Variants in EHMT1 observed in about 807,000 individuals in gnomAD.
EHMT1 encodes the protein euchromatic histone lysine methyltransferase 1, also known as histone-lysine N-methyltransferase EHMT1.
EHMT1 carries 15 observed loss-of-function variants against 147.2 expected under a neutral mutation model. That is an observed-to-expected ratio of 0.10 (90% CI 0.07 to 0.16). The LOEUF (loss-of-function observed/expected upper bound fraction) is 0.16, where lower values mean the gene tolerates loss of function less well. Ranked by LOEUF, EHMT1 falls within the 10% of genes least tolerant of loss-of-function variation. The probability of loss-of-function intolerance (pLI) is 1.00; values close to 1 mark genes in which losing one functional copy is unlikely to be tolerated. For synonymous variants in EHMT1, 795 were observed against 709.6 expected (o/e 1.12, Z -1.91); for missense variants, 1,587 against 1,772.4 (o/e 0.90, Z 1.88).
rs1485174754 is a variant in EHMT1 at position 137,818,522 on chromosome 9, G to A, written c.3540+384G>A. Among the ~76,000 whole-genome samples, 4 of 150,822 alleles carry A rather than the reference G, an allele frequency of 2.7e-5. 1 individual carries two copies. Among genetic ancestry groups the A allele is most frequent in the South Asian group, 2.1e-4 (1 of 4,786 alleles). ...GACTGTAGAGAGGCTGAGGGGGGGC[G>A]CCATGTACCGAGACTGTAGAGAGGC... On this transcript the variant is annotated intron_variant, in intron 25 of 26. Transcript: ENST00000460843.
rs117324981 is a variant in EHMT1, at chr9:137,748,440, G to A, written c.1171-3891G>A. 3.0e-4 allele frequency among the ~76,000 whole-genome samples: 45 copies of A among 152,292 alleles called. No homozygotes were observed. In the East Asian group the frequency reaches 7.7e-3, roughly 26 times the overall value. On this transcript the variant is annotated intron_variant, in intron 6 of 26. Transcript: ENST00000460843. ...ATGGCCTGTGGGTGGTTCCAGTGGGGCCGTCCTGGAGGAGGTTGCTGCCAG... is the reference window on the plus strand; with the variant it reads ...ATGGCCTGTGGGTGGTTCCAGTGGGACCGTCCTGGAGGAGGTTGCTGCCAG...
chr9:137,793,730 C>T (rs566992588), intron 16 of EHMT1, among the ~76,000 whole-genome samples: 3 of 152,246 alleles, frequency 2.0e-5, no homozygotes, highest in Admixed American at 6.5e-5. Context: ...GAAATTTTGA[C>T]CTATGAACAG....
chr9:137,715,420 A>G (rs879847545), intron 2 of EHMT1: 32 of 400,370 alleles, frequency 8.0e-5, no homozygotes, highest in Non-Finnish European at 1.1e-4. Context: ...GTAAACAGAC[A>G]GGGCATTTGC....
At chr9:137,635,812 T>TCC (rs1480820923) in intron 1 of EHMT1, among the ~76,000 whole-genome samples, 5 of 151,864 alleles carry the variant, frequency 3.3e-5, no homozygotes, top group South Asian at 2.1e-4. Context: ...AGAGCGAGAC[T>TCC]GTCTCAAAAA....
At position 137,716,838 on chromosome 9, in the gene EHMT1, G is replaced by A. The variant is rs540121859; in HGVS notation, c.298G>A (p.Asp100Asn). Residue 100 changes from aspartate (D) to asparagine (N), a missense_variant, in exon 3 of 27, where the codon GAC becomes AAC. Physicochemically the swap from Asp to Asn is conservative, Grantham distance 23 (BLOSUM62 1). This residue lies in a region of EHMT1 where 810 missense variants were observed against 673.0 expected (regional missense o/e 1.20). Coordinates refer to ENST00000460843, the MANE Select transcript of EHMT1 (RefSeq NM_024757.5). ...RIAENGVSERDSEAAKQNHVT... is the reference protein window; with the variant it reads ...RIAENGVSERNSEAAKQNHVT... The stretch of plus-strand genomic sequence containing the variant: ...AGCGGAAAATGGGGTTTCAGAAAGA[G>A]ACTCAGAAGCGGCGAAGCAAAACCA... 26 of 1,613,316 alleles carry A rather than the reference G, an allele frequency of 1.6e-5. No homozygotes were observed. The Admixed American group carries it at 3.3e-4, about 21-fold the overall frequency.
chr9:137,799,939 G>C (rs887267303), intron 17 of EHMT1, among the ~76,000 whole-genome samples: 1 of 152,240 alleles, frequency 6.6e-6, no homozygotes, highest in East Asian at 1.9e-4. Flanking sequence ...TGGGCTCCAG[G>C]AGGCTGCGCT....
chr9:137,635,424 A>C (rs999305941), intron 1 of EHMT1, among the ~76,000 whole-genome samples: 6 of 149,578 alleles, frequency 4.0e-5, no homozygotes, highest in Admixed American at 6.6e-5. Context: ...ACCATGTTGG[A>C]CAGGCTGGTC....
chr9:137,635,629 G>A (rs868411740), intron 1 of EHMT1, among the ~76,000 whole-genome samples: 1 of 151,240 alleles, frequency 6.6e-6, no homozygotes. Flanking sequence ...GACCATCCTG[G>A]CTAACATGGT....
intron 25 of EHMT1, among the ~76,000 whole-genome samples, chr9:137,833,375 A>G (rs999317991): frequency 6.6e-6 from 1 of 152,154 alleles, no homozygotes; most frequent in Non-Finnish European, 1.5e-5. Flanking sequence ...CACTCGGCCC[A>G]GTGTGCGCAG....
intron 1 of EHMT1, among the ~76,000 whole-genome samples, chr9:137,679,015 G>A (rs1355323139): frequency 1.3e-5 from 2 of 152,040 alleles, no homozygotes; most frequent in African/African-American, 4.8e-5. Context: ...GTGCAATGGC[G>A]CGATCTCCGC....
chr9:137,814,661 G>A (rs1588862799), intron 22 of EHMT1, 153 bp downstream of exon 22: 1 of 814,126 alleles, frequency 1.2e-6, no homozygotes, highest in Admixed American at 2.0e-5. Flanking sequence ...GGGAGGCACA[G>A]CGGGCACCAG....
intron 16 of EHMT1, among the ~76,000 whole-genome samples, chr9:137,794,190 A>G (rs1952731475): frequency 6.6e-6 from 1 of 152,220 alleles, no homozygotes; most frequent in Admixed American, 6.5e-5. Flanking sequence ...GTATCAATTT[A>G]TGATATAATT....
intron 1 of EHMT1, among the ~76,000 whole-genome samples, chr9:137,697,727 T>C (rs114707966): frequency 0.016 from 2,370 of 152,292 alleles, 50 homozygotes; most frequent in African/African-American, 0.043. Context: ...TTACAAGAAG[T>C]CTTCAGTAAT....
chr9:137,699,744 A>C (rs1943685627), intron 1 of EHMT1, among the ~76,000 whole-genome samples: 1 of 150,388 alleles, frequency 6.6e-6, no homozygotes, highest in African/African-American at 2.5e-5. Flanking sequence ...CCACCTATGG[A>C]AGGCCTAAGT....
Position 137,716,650 on chromosome 9 carries a change from G to A in EHMT1, c.110G>A (p.Gly37Asp), listed in dbSNP as rs1300327079. The A allele has an allele frequency of 1.6e-5, 26 of 1,585,654 alleles. No homozygotes were observed. Among genetic ancestry groups the A allele is most frequent in the Non-Finnish European group, 2.1e-5 (24 of 1,163,248 alleles). The stretch of plus-strand genomic sequence containing the variant: ...GAGACACCTATGGCTGCCGATGAAG[G>A]CTCAGCAGAGAAACAGGCAGGAGAG... ...GEETPMAADE[G>D]SAEKQAGEAH... is the part of the protein sequence containing the mutation. The change falls in exon 3 of 27, where the codon GGC (glycine) becomes GAC (aspartate). Residue 37 changes from glycine to aspartate, a missense_variant. This residue lies in a region of EHMT1 where 810 missense variants were observed against 673.0 expected (regional missense o/e 1.20). Coordinates refer to ENST00000460843, the MANE Select transcript of EHMT1 (RefSeq NM_024757.5).
At chr9:137,831,517 A>G (rs549242594) in intron 25 of EHMT1, among the ~76,000 whole-genome samples, 4 of 152,338 alleles carry the variant, frequency 2.6e-5, no homozygotes, top group African/African-American at 7.2e-5. Context: ...CCACCCAGTG[A>G]TGGCTTCAGC....
intron 4 of EHMT1, among the ~76,000 whole-genome samples, chr9:137,734,402 A>G (rs1252928070): frequency 6.6e-6 from 1 of 152,274 alleles, no homozygotes; most frequent in African/African-American, 2.4e-5. Flanking sequence ...GAAGAAAGAG[A>G]TAGCAAACTT....
intron 1 of EHMT1, among the ~76,000 whole-genome samples, chr9:137,670,938 C>T (rs1231628641): frequency 1.3e-5 from 2 of 152,186 alleles, no homozygotes; most frequent in African/African-American, 4.8e-5. Context: ...TGTGGCCACA[C>T]CCTCTGGCCT....
At chr9:137,635,803 G>T (rs543806803) in intron 1 of EHMT1, among the ~76,000 whole-genome samples, 134 of 151,822 alleles carry the variant, frequency 8.8e-4, no homozygotes, top group African/African-American at 3.0e-3. Context: ...CTGGGCGACA[G>T]AGCGAGACTG....
Sources: allele counts gnomAD v4.1 joint callset (sites outside exome capture counted in the v4.1 genomes callset), GRCh38; gene constraint gnomAD v4.1.1; regional missense constraint gnomAD v4.1.1; transcripts MANE v1.5; gene names NCBI Gene and HGNC (gene_info 2026-07-23, HGNC 2026-07-21).